The following TXLNB variants were observed in gnomAD, a reference collection of about 807,000 sequenced individuals.
The protein encoded by TXLNB is beta-taxilin.
Under a neutral mutation model 57.4 loss-of-function variants are expected in TXLNB, and 37 were observed. The ratio of observed to expected loss-of-function variants is 0.64; its 90% CI spans 0.50 to 0.85. TXLNB has a LOEUF of 0.85. Ranked by LOEUF, TXLNB falls within the 40% of genes least tolerant of loss-of-function variation. The pLI is 0.00. For missense variants in TXLNB, 848 were observed against 825.6 expected (o/e 1.03, Z -0.33); for synonymous variants, 302 against 309.6 (o/e 0.98, Z 0.26).
the TXLNB span, among the ~76,000 whole-genome samples, chr6:139,189,094 A>G: frequency 2.0e-5 from 3 of 152,234 alleles, no homozygotes; most frequent in Non-Finnish European, 4.4e-5. Context: ...TAGGTGGGAT[A>G]TAACCTGTGG....
chr6:139,220,628 G>C, the TXLNB span, among the ~76,000 whole-genome samples: 3 of 152,124 alleles, frequency 2.0e-5, no homozygotes, highest in African/African-American at 7.2e-5. Context: ...TCTAGGGTTG[G>C]CGTTATTAAC....
intron 3 of TXLNB, 126 bp downstream of exon 3, chr6:139,276,704 C>T (rs1562285026): frequency 3.0e-5 from 21 of 704,302 alleles, no homozygotes; most frequent in South Asian, 8.8e-5. Flanking sequence ...GCAGGGTTAG[C>T]GCACAGACCT....
At chr6:139,298,316 T>G in the TXLNB span, among the ~76,000 whole-genome samples, 1 of 152,242 alleles carries the variant, frequency 6.6e-6, no homozygotes, top group African/African-American at 2.4e-5. Context: ...CATGAAAGTC[T>G]TCTTATAAAT....
In TXLNB at chr6:139,262,694, T is replaced by A; in HGVS notation, c.767A>T (p.Asp256Val). 1 of 1,614,216 alleles carries A rather than the reference T, an allele frequency of 6.2e-7. No homozygotes were observed. The stretch of plus-strand genomic sequence containing the variant: ...CTGCTGCTCGATCTGGCCCTGGATG[T>A]CCGTGAGGGTACTCTGGAAATGGCT... ...ITSHFQSTLT[D>V]IQGQIEQQSE... Residue 256 changes from aspartate to valine, a missense_variant, in exon 5 of 10, where the codon GAC becomes GTC. Transcript: ENST00000358430.
the TXLNB span, among the ~76,000 whole-genome samples, chr6:139,231,450 C>A: frequency 1.3e-5 from 2 of 152,140 alleles, no homozygotes; most frequent in Non-Finnish European, 2.9e-5. Context: ...AGACTTGTAA[C>A]CACTGTCATT....
At position 139,241,218 on chromosome 6, in the gene TXLNB, C is replaced by G. The variant is rs1775925644; in HGVS notation, c.*1308G>C. 6.6e-6 allele frequency: 1 copy of G among 152,184 alleles called. No homozygotes were observed. The highest frequency in any genetic ancestry group is 2.4e-5 in the African/African-American group (1 of 41,446). 9.4% of individuals were successfully genotyped at this position (152,184 alleles called of 1,614,324 possible). On this transcript the variant is annotated 3_prime_UTR_variant, in exon 10 of 10. Transcript: ENST00000358430. ...AATCCATTGGTTTTTTTGTTTTGTA[C>G]TTCTGGCCTAAAGAGAAATCCTCAT...
the TXLNB span, among the ~76,000 whole-genome samples, chr6:139,215,516 A>G: frequency 6.6e-6 from 1 of 152,244 alleles, no homozygotes; most frequent in Non-Finnish European, 1.5e-5. Context: ...CTAAAACCAT[A>G]AAAACCCTAG....
At chr6:139,268,993 G>T (rs553134078) in intron 4 of TXLNB, 6 of 152,104 alleles carry the variant, frequency 3.9e-5, no homozygotes, top group Non-Finnish European at 7.3e-5. Flanking sequence ...TCGAACTTCT[G>T]GGCTCAAATG....
the TXLNB span, among the ~76,000 whole-genome samples, chr6:139,200,457 C>T: frequency 6.6e-6 from 1 of 152,294 alleles, no homozygotes; most frequent in East Asian, 1.9e-4. Flanking sequence ...AGCGAGGACC[C>T]TGTCTAGCAC....
At position 139,276,931 on chromosome 6, in the gene TXLNB, A is replaced by G; in HGVS notation, c.425-10T>C. On this transcript the variant is annotated splice_polypyrimidine_tract_variant and intron_variant, in intron 2 of 9. Transcript: ENST00000358430. The stretch of plus-strand genomic sequence containing the variant: ...AGGTTGGCTTCTTTGCCTTAAAAAA[A>G]AAAGACATGAAAAAAATAAGTGTTG... 6.3e-7 allele frequency: 1 copy of G among 1,577,480 alleles called. No homozygotes were observed. The highest frequency in any genetic ancestry group is 8.6e-7 in the Non-Finnish European group (1 of 1,166,972).
At chr6:139,234,793 C>T in the TXLNB span, among the ~76,000 whole-genome samples, 2 of 152,146 alleles carry the variant, frequency 1.3e-5, no homozygotes, top group African/African-American at 2.4e-5. Context: ...CTGTGAGAAG[C>T]GGGCCAAAGT....
chr6:139,250,357 C>CTTTTTTTTTTTTT (rs61441759), intron 7 of TXLNB, among the ~76,000 whole-genome samples: 1 of 118,890 alleles, frequency 8.4e-6, no homozygotes, highest in Non-Finnish European at 1.7e-5. Flanking sequence ...TTCTTTCTTT[C>CTTTTTTTTTTTTT]TTTTTTTTTT....
chr6:139,230,984 CATAA>C, the TXLNB span, among the ~76,000 whole-genome samples: 1 of 152,138 alleles, frequency 6.6e-6, no homozygotes. Context: ...CTTTATTATG[CATAA>C]ATAGAGTCAC....
At chr6:139,270,249 T>C (rs1026854146) in intron 4 of TXLNB, among the ~76,000 whole-genome samples, 6 of 152,152 alleles carry the variant, frequency 3.9e-5, no homozygotes, top group African/African-American at 1.4e-4. Context: ...AGCCACACAG[T>C]GAAGCTGGTC....
At chr6:139,260,043 T>C (rs962054074) in intron 6 of TXLNB, among the ~76,000 whole-genome samples, 2 of 152,070 alleles carry the variant, frequency 1.3e-5, no homozygotes. Context: ...GCCAACATGG[T>C]GAAACCCTGT....
chr6:139,174,108 C>A, the TXLNB span, among the ~76,000 whole-genome samples: 547 of 152,242 alleles, frequency 3.6e-3, 3 homozygotes, highest in African/African-American at 0.013. Context: ...TTTGGATGGA[C>A]CCATTATGTA....
At chr6:139,302,771 T>C in the TXLNB span, among the ~76,000 whole-genome samples, 1 of 151,030 alleles carries the variant, frequency 6.6e-6, no homozygotes, top group Non-Finnish European at 1.5e-5. Flanking sequence ...GCAACAAGAG[T>C]GAAACTACGT....
chr6:139,196,365 G>GTT, the TXLNB span, among the ~76,000 whole-genome samples: 79 of 38,986 alleles, frequency 2.0e-3, 3 homozygotes, highest in African/African-American at 5.1e-3. Context: ...TCCAGATCTG[G>GTT]TTTTTTTTTT....
chr6:139,284,584 G>C (rs1429996775), intron 2 of TXLNB, among the ~76,000 whole-genome samples: 1 of 145,386 alleles, frequency 6.9e-6, no homozygotes, highest in Non-Finnish European at 1.5e-5. Flanking sequence ...AGGACGTGAG[G>C]ATAGGTAGAA....
Sources: allele counts gnomAD v4.1 joint callset (sites outside exome capture counted in the v4.1 genomes callset), GRCh38; gene constraint gnomAD v4.1.1; transcripts MANE v1.5; gene names NCBI Gene and HGNC (gene_info 2026-07-23, HGNC 2026-07-21).